The following TTLL5 variants were observed in gnomAD, a reference collection of about 807,000 sequenced individuals.
The protein encoded by TTLL5 is tubulin polyglutamylase TTLL5.
A neutral mutation model predicts 168.4 loss-of-function variants in TTLL5; 132 were observed. The observed-to-expected ratio is 0.78, with a 90% confidence interval of 0.68 to 0.91. TTLL5 has a LOEUF of 0.91. Among genes scored for constraint, TTLL5 ranks in the 40% least tolerant of loss-of-function variants. TTLL5 has a pLI of 0.00. For synonymous variants in TTLL5, 546 were observed against 558.6 expected (o/e 0.98, Z 0.32); for missense variants, 1,545 against 1,581.5 (o/e 0.98, Z 0.39).
In TTLL5 at chr14:75,801,765, G is replaced by A. The variant is rs553097206; in HGVS notation, c.3171+8665G>A. On this transcript the variant is annotated intron_variant, in intron 27 of 31. Transcript: ENST00000298832. The stretch of plus-strand genomic sequence containing the variant: ...TAACATGTTATAATGGTTTAGTATA[G>A]ATTCTGGTATATTTGTTTACTAACA... 9.2e-5 allele frequency among the ~76,000 whole-genome samples: 14 copies of A among 152,284 alleles called. No individual in the cohort carries two copies. The East Asian group carries it at 2.3e-3, about 25-fold the overall frequency.
chr14:75,887,053 A>C, intron 30 of TTLL5: 1 of 1,238,006 alleles, frequency 8.1e-7, no homozygotes, highest in Non-Finnish European at 1.0e-6. Context: ...CCCTGGGCTT[A>C]GGTGATTCTC....
chr14:75,833,790 G>A (rs547101258), intron 28 of TTLL5, among the ~76,000 whole-genome samples: 17 of 152,278 alleles, frequency 1.1e-4, no homozygotes, highest in African/African-American at 4.1e-4. Flanking sequence ...AGTAGAGTGT[G>A]CAAATTCTCA....
intron 28 of TTLL5, among the ~76,000 whole-genome samples, chr14:75,854,437 GGTTCCA>G (rs1408469098): frequency 6.6e-6 from 1 of 152,148 alleles, no homozygotes; most frequent in Non-Finnish European, 1.5e-5. Flanking sequence ...CATTAGGATT[GGTTCCA>G]GTTTTTGACT....
chr14:75,928,280 T>G (rs2140159904), intron 31 of TTLL5, among the ~76,000 whole-genome samples: 1 of 147,294 alleles, frequency 6.8e-6, no homozygotes, highest in South Asian at 2.2e-4. Context: ...AGAGTTTATG[T>G]CCTGACACCT....
At chr14:75,827,230 C>T (rs1453709055) in intron 28 of TTLL5, among the ~76,000 whole-genome samples, 1 of 152,106 alleles carries the variant, frequency 6.6e-6, no homozygotes, top group East Asian at 1.9e-4. Context: ...ATTTGCTACA[C>T]TGGGACACAG....
chr14:75,813,554 T>C (rs1174211046), intron 27 of TTLL5, among the ~76,000 whole-genome samples: 1 of 152,058 alleles, frequency 6.6e-6, no homozygotes, highest in Non-Finnish European at 1.5e-5. Context: ...CCACATGCTT[T>C]GGCCTCCCAA....
At chr14:75,791,398 A>C (rs1368810096) in intron 26 of TTLL5, among the ~76,000 whole-genome samples, 1 of 152,216 alleles carries the variant, frequency 6.6e-6, no homozygotes, top group Non-Finnish European at 1.5e-5. Context: ...TTTATCTAGG[A>C]TTAATCTTGG....
In TTLL5 at chr14:75,726,314, A is replaced by G. The variant is rs547616130; in HGVS notation, c.1042+5611A>G. On this transcript the variant is annotated intron_variant, in intron 12 of 31. Coordinates refer to ENST00000298832, the MANE Select transcript of TTLL5 (RefSeq NM_015072.5). ...TTTATGATTGGTGGCTTTATTATAA[A>G]TATTTCAAGTGTTGTGATCAGGGTT... 2.6e-5 allele frequency among the ~76,000 whole-genome samples: 4 copies of G among 152,312 alleles called. No homozygotes were observed. In the East Asian group the frequency reaches 7.7e-4, roughly 29 times the overall value.
At chr14:75,662,315 A>C (rs1890784882) in intron 1 of TTLL5, among the ~76,000 whole-genome samples, 1 of 149,370 alleles carries the variant, frequency 6.7e-6, no homozygotes, top group Non-Finnish European at 1.5e-5. Context: ...AAATGTTGGC[A>C]GGGGTTTTTT....
intron 28 of TTLL5, among the ~76,000 whole-genome samples, chr14:75,831,074 A>C (rs1054304121): frequency 2.0e-5 from 3 of 152,238 alleles, no homozygotes; most frequent in African/African-American, 7.2e-5. Flanking sequence ...TCAAAAGCTC[A>C]AAACGAGCTT....
At chr14:75,806,501 C>A (rs780570602) in intron 27 of TTLL5, among the ~76,000 whole-genome samples, 4 of 152,218 alleles carry the variant, frequency 2.6e-5, no homozygotes, top group Non-Finnish European at 4.4e-5. Context: ...CCTACTATCA[C>A]ACATGTTTTT....
chr14:75,877,069 G>A (rs2031534693), intron 29 of TTLL5, among the ~76,000 whole-genome samples: 1 of 152,178 alleles, frequency 6.6e-6, no homozygotes, highest in Non-Finnish European at 1.5e-5. Flanking sequence ...ATACTGCATA[G>A]AAATGTTTGC....
intron 31 of TTLL5, among the ~76,000 whole-genome samples, chr14:75,932,902 G>A (rs1228889726): frequency 6.6e-6 from 1 of 152,152 alleles, no homozygotes; most frequent in Non-Finnish European, 1.5e-5. Flanking sequence ...TTACTATCAA[G>A]TGACACCTAG....
intron 31 of TTLL5, among the ~76,000 whole-genome samples, chr14:75,922,657 A>C (rs78296536): frequency 0.81 from 122,507 of 152,176 alleles, 49,517 homozygotes; most frequent in African/African-American, 0.87. Context: ...ATTTTCGCAT[A>C]GATGTTCATC....
At chr14:75,787,223 TA>T (rs1430266084) in intron 26 of TTLL5, among the ~76,000 whole-genome samples, 1 of 152,164 alleles carries the variant, frequency 6.6e-6, no homozygotes, top group Non-Finnish European at 1.5e-5. Flanking sequence ...GACAGATTTT[TA>T]AAGTTTAAAA....
intron 28 of TTLL5, among the ~76,000 whole-genome samples, chr14:75,859,753 G>T (rs1897311785): frequency 6.6e-6 from 1 of 152,184 alleles, no homozygotes; most frequent in Admixed American, 6.5e-5. Context: ...GAGATGCCTA[G>T]AAAGGAATAT....
At chr14:75,689,753 C>A in intron 5 of TTLL5, 1 of 190,306 alleles carries the variant, frequency 5.3e-6, no homozygotes, top group South Asian at 9.7e-5. Flanking sequence ...CTGTCTGATT[C>A]CACTTATTTG....
intron 31 of TTLL5, among the ~76,000 whole-genome samples, chr14:75,926,782 C>T (rs573620413): frequency 6.6e-6 from 1 of 152,256 alleles, no homozygotes; most frequent in East Asian, 1.9e-4. Context: ...CATAGAGTTA[C>T]CATATGACCT....
intron 27 of TTLL5, among the ~76,000 whole-genome samples, chr14:75,810,017 G>A (rs1893898634): frequency 6.6e-6 from 1 of 152,070 alleles, no homozygotes; most frequent in Admixed American, 6.6e-5. Flanking sequence ...AGATCATATG[G>A]TTGTTGTATT....
Sources: allele counts gnomAD v4.1 joint callset (sites outside exome capture counted in the v4.1 genomes callset), GRCh38; gene constraint gnomAD v4.1.1; transcripts MANE v1.5; gene names NCBI Gene and HGNC (gene_info 2026-07-23, HGNC 2026-07-21).